The following RIMS1 variants were observed in gnomAD, a reference collection of about 807,000 sequenced individuals.
RIMS1 encodes the protein regulating synaptic membrane exocytosis 1.
A neutral mutation model predicts 214.1 loss-of-function variants in RIMS1; 83 were observed. That is an observed-to-expected ratio of 0.39 (90% CI 0.32 to 0.47). The LOEUF is 0.47. Ranked by LOEUF, RIMS1 falls within the 20% of genes least tolerant of loss-of-function variation. The pLI is 0.99. For missense variants in RIMS1, 2,050 were observed against 2,161.8 expected, an observed-to-expected ratio of 0.95 and a Z score of 1.03; for synonymous variants, 793 against 786.8, an observed-to-expected ratio of 1.01 and a Z score of -0.13.
At chr6:72,383,175 T>A (rs1247719795) in intron 29 of RIMS1, among the ~76,000 whole-genome samples, 1 of 152,196 alleles carries the variant, frequency 6.6e-6, no homozygotes, top group Non-Finnish European at 1.5e-5. Flanking sequence ...CTTCATATCA[T>A]TGAATTTACA....
chr6:72,228,063 A>T (rs894128170), intron 6 of RIMS1, among the ~76,000 whole-genome samples: 2 of 152,120 alleles, frequency 1.3e-5, no homozygotes, highest in African/African-American at 4.8e-5. Context: ...AGAGAAATAT[A>T]CACTCATAAA....
chr6:72,043,756 A>G (rs1262701878), intron 2 of RIMS1, among the ~76,000 whole-genome samples: 1 of 151,654 alleles, frequency 6.6e-6, no homozygotes, highest in Non-Finnish European at 1.5e-5. Flanking sequence ...AATTCTACTC[A>G]TAGCTTAAAT....
At chr6:72,322,170 A>G (rs548375848) in intron 28 of RIMS1, among the ~76,000 whole-genome samples, 5 of 152,246 alleles carry the variant, frequency 3.3e-5, no homozygotes, top group East Asian at 3.9e-4. Context: ...AAAAAGTCCA[A>G]TGAAAAATTC....
At chr6:72,121,198 T>C (rs2038225257) in intron 4 of RIMS1, among the ~76,000 whole-genome samples, 1 of 151,912 alleles carries the variant, frequency 6.6e-6, no homozygotes, top group Non-Finnish European at 1.5e-5. Context: ...AGAAAATCAT[T>C]GGTAGCTTGA....
rs942634052 is a variant in RIMS1, at chr6:72,209,726, C to G, written c.1679-24047C>G. ...ACCATCCTGGCTAACACGATGAAAC[C>G]CTGTCTCTACTAAAAATACAAAAAA... On this transcript the variant is annotated intron_variant, in intron 6 of 33. Transcript: ENST00000521978. 2.0e-5 allele frequency among the ~76,000 whole-genome samples: 3 copies of G among 151,916 alleles called. No individual in the cohort carries two copies. The East Asian group carries it at 5.8e-4, about 29-fold the overall frequency.
At chr6:71,887,266 G>T in intron 1 of RIMS1, 79 bp downstream of exon 1, 2 of 1,524,378 alleles carry the variant, frequency 1.3e-6, no homozygotes, top group Non-Finnish European at 1.8e-6. Flanking sequence ...TAGTCCTCGC[G>T]GCTGAGTGTG....
intron 2 of RIMS1, among the ~76,000 whole-genome samples, chr6:72,092,037 G>A (rs1165440151): frequency 6.6e-6 from 1 of 152,082 alleles, no homozygotes; most frequent in Non-Finnish European, 1.5e-5. Context: ...AAAAATAAAT[G>A]TGCTGTTTAT....
At chr6:72,043,240 C>T (rs1253717685) in intron 2 of RIMS1, among the ~76,000 whole-genome samples, 2 of 151,604 alleles carry the variant, frequency 1.3e-5, no homozygotes, top group East Asian at 3.9e-4. Flanking sequence ...CCTGAAAAGG[C>T]AAGTTTCTCC....
chr6:72,315,702 C>A (rs1045812652), intron 28 of RIMS1, among the ~76,000 whole-genome samples: 2 of 152,156 alleles, frequency 1.3e-5, no homozygotes, highest in African/African-American at 4.8e-5. Flanking sequence ...CACACACACA[C>A]ACACACAGAG....
At chr6:71,940,017 T>C (rs1385108402) in intron 1 of RIMS1, among the ~76,000 whole-genome samples, 1 of 152,228 alleles carries the variant, frequency 6.6e-6, no homozygotes, top group Non-Finnish European at 1.5e-5. Flanking sequence ...TGAATGATGA[T>C]AATCACCATA....
chr6:72,055,140 A>G (rs1269119421), intron 2 of RIMS1, among the ~76,000 whole-genome samples: 1 of 152,162 alleles, frequency 6.6e-6, no homozygotes, highest in Non-Finnish European at 1.5e-5. Context: ...TCATGAAATA[A>G]TAGAGGGACA....
chr6:72,043,843 A>T (rs761268396), intron 2 of RIMS1, among the ~76,000 whole-genome samples: 2 of 151,864 alleles, frequency 1.3e-5, no homozygotes, highest in Non-Finnish European at 3.0e-5. Flanking sequence ...TAATTTATAT[A>T]TACATTAATG....
intron 8 of RIMS1, 71 bp downstream of exon 8, chr6:72,235,799 G>T (rs2154093075): frequency 4.5e-6 from 3 of 670,858 alleles, no homozygotes; most frequent in East Asian, 6.4e-5. Flanking sequence ...CGGAGTTTCT[G>T]GCAATGATTT....
chr6:71,900,618 C>A (rs1773309933), intron 1 of RIMS1, among the ~76,000 whole-genome samples: 1 of 151,984 alleles, frequency 6.6e-6, no homozygotes, highest in African/African-American at 2.4e-5. Flanking sequence ...GAAGCAAAAA[C>A]CACAACTGTT....
rs59731805 is a variant in RIMS1, at chr6:72,338,849, AAGAGAGAGAGAGAGAGAGAG to A, written c.4366+5034_4366+5053del. ...AACCCATGCTTTTAACCAACTTGTG[AAGAGAGAGAGAGAGAGAGAG>A]AGAGAGAGAGAGAGAGAGAAAGTGA... On this transcript the variant is annotated intron_variant, in intron 29 of 33. Transcript: ENST00000521978. Among the ~76,000 whole-genome samples the A allele has an allele frequency of 1.4e-4, 19 of 138,654 alleles. 1 individual carries two copies. Among genetic ancestry groups the A allele is most frequent in the South Asian group, 9.7e-4 (4 of 4,130 alleles). The allele number at this position is 138,654 out of a possible 152,430, so 91.0% of individuals were successfully genotyped here.
intron 1 of RIMS1, among the ~76,000 whole-genome samples, chr6:71,953,238 G>A (rs559215630): frequency 4.6e-5 from 7 of 152,062 alleles, no homozygotes; most frequent in African/African-American, 1.2e-4. Flanking sequence ...ATCCACCCGC[G>A]TTAACTTCCC....
chr6:72,249,641 G>A (rs150960885), intron 12 of RIMS1, among the ~76,000 whole-genome samples: 12 of 152,128 alleles, frequency 7.9e-5, no homozygotes, highest in African/African-American at 1.2e-4. Context: ...ACATGATGAT[G>A]TACACCTGTG....
chr6:72,077,761 A>T (rs1832285130), intron 2 of RIMS1, among the ~76,000 whole-genome samples: 1 of 152,216 alleles, frequency 6.6e-6, no homozygotes, highest in Admixed American at 6.5e-5. Flanking sequence ...GATGAGGGAA[A>T]TAAAGCTTAG....
intron 2 of RIMS1, among the ~76,000 whole-genome samples, chr6:72,059,603 T>C (rs569258440): frequency 6.6e-6 from 1 of 152,310 alleles, no homozygotes; most frequent in East Asian, 1.9e-4. Context: ...TAAAATTCAA[T>C]TTATTGATTG....
Sources: allele counts gnomAD v4.1 joint callset (sites outside exome capture counted in the v4.1 genomes callset), GRCh38; gene constraint gnomAD v4.1.1; transcripts MANE v1.5; gene names NCBI Gene and HGNC (gene_info 2026-07-23, HGNC 2026-07-21).